The following ARMH3 variants were observed in gnomAD, a reference collection of about 807,000 sequenced individuals.
ARMH3 encodes armadillo like helical domain containing 3.
ARMH3 carries 60 observed loss-of-function variants against 99.1 expected under a neutral mutation model. The observed-to-expected ratio is 0.61, with a 90% CI of 0.49 to 0.75. The LOEUF is 0.75. ARMH3 is among the 30% of genes least tolerant of loss of function. The pLI, the probability that ARMH3 is intolerant of heterozygous loss-of-function variation, is 0.00. For missense variants in ARMH3, 679 were observed against 843.1 expected (o/e 0.81, Z 2.41); for synonymous variants, 285 against 292.8 (o/e 0.97, Z 0.27).
chr10:101,937,222 A>T (rs1844021570), intron 23 of ARMH3, among the ~76,000 whole-genome samples: 1 of 152,166 alleles, frequency 6.6e-6, no homozygotes, highest in Admixed American at 6.5e-5. Context: ...TTGGACTTAG[A>T]AGACCTATGA....
At chr10:101,906,975 C>T (rs1356465997) in intron 23 of ARMH3, among the ~76,000 whole-genome samples, 1 of 152,180 alleles carries the variant, frequency 6.6e-6, no homozygotes, top group African/African-American at 2.4e-5. Context: ...GTACCCTCCC[C>T]TTGAACTAAT....
intron 23 of ARMH3, among the ~76,000 whole-genome samples, chr10:101,924,582 C>G (rs2135623046): frequency 6.6e-6 from 1 of 151,828 alleles, no homozygotes; most frequent in Middle Eastern, 3.4e-3. Context: ...GTCTCAATCT[C>G]CTGACCTCGT....
chr10:101,909,072 G>T (rs140537715), intron 23 of ARMH3, among the ~76,000 whole-genome samples: 1 of 151,990 alleles, frequency 6.6e-6, no homozygotes, highest in Admixed American at 6.6e-5. Context: ...GAATTGAGTG[G>T]AAATGCAGAA....
Position 101,991,955 on chromosome 10 carries a change from T to G in ARMH3, c.1345+14A>C, listed in dbSNP as rs761602371. 1 of 1,607,666 alleles carries G rather than the reference T, an allele frequency of 6.2e-7. No homozygotes were observed. The highest frequency in any genetic ancestry group is 1.1e-5 in the South Asian group (1 of 90,894). ...TGTCACAGAACAATGTCAATGTTGA[T>G]GATACTCACTCACCCAGTACTGCAC... On this transcript the variant is annotated intron_variant, in intron 18 of 25. Coordinates refer to ENST00000370033, the MANE Select transcript of ARMH3 (RefSeq NM_024541.3).
chr10:101,967,108 T>C (rs1845574598), intron 20 of ARMH3, among the ~76,000 whole-genome samples: 1 of 152,222 alleles, frequency 6.6e-6, no homozygotes, highest in Non-Finnish European at 1.5e-5. Flanking sequence ...TTTTGTGACC[T>C]GGCATGGAGC....
chr10:101,944,516 A>G (rs566577779), intron 22 of ARMH3, among the ~76,000 whole-genome samples: 33 of 152,034 alleles, frequency 2.2e-4, no homozygotes, highest in Admixed American at 1.9e-3. Context: ...AAGAGAAAAT[A>G]TTAAAAGCAT....
chr10:101,890,208 G>A (rs1373368015), intron 23 of ARMH3, among the ~76,000 whole-genome samples: 30 of 150,950 alleles, frequency 2.0e-4, no homozygotes, highest in Admixed American at 2.0e-3. Context: ...TTCATAGAGA[G>A]AGACAAATCT....
Position 101,990,589 on chromosome 10 carries a change from T to C in ARMH3, c.1368A>G (p.Val456=). 6.2e-7 allele frequency: 1 copy of C among 1,605,020 alleles called. No homozygotes were observed. Among genetic ancestry groups the C allele is most frequent in the Non-Finnish European group, 8.5e-7 (1 of 1,171,870 alleles). Residue 456 remains valine, a synonymous_variant, in exon 19 of 26, where the codon GTA becomes GTG. Transcript: ENST00000370033. The part of the protein sequence containing the change: ...AVLDLMVEFI[V]THMMKEFPMD... ...TAGGAAACTCCTTCATCATGTGTGT[T>C]ACAATAAACTCTACCATCAGGTCTG...
At chr10:102,023,818 C>T (rs1032389947) in intron 6 of ARMH3, 69 bp from the exon 7 acceptor site, 4 of 1,400,308 alleles carry the variant, frequency 2.9e-6, no homozygotes, top group Non-Finnish European at 4.0e-6. Context: ...ATCTCCTCCC[C>T]TAACATCTAA....
At chr10:101,926,740 A>T (rs1346535814) in intron 23 of ARMH3, among the ~76,000 whole-genome samples, 2 of 152,222 alleles carry the variant, frequency 1.3e-5, no homozygotes, top group Non-Finnish European at 2.9e-5. Context: ...TCCTAGGAAG[A>T]GTTCCTTTGG....
chr10:102,051,449 G>A (rs917030068), intron 1 of ARMH3, among the ~76,000 whole-genome samples: 11 of 151,372 alleles, frequency 7.3e-5, no homozygotes, highest in East Asian at 1.9e-4. Flanking sequence ...CTACAGCCTG[G>A]GCAACAGAGG....
intron 1 of ARMH3, among the ~76,000 whole-genome samples, chr10:102,041,521 C>A (rs545525279): frequency 6.6e-6 from 1 of 152,200 alleles, no homozygotes; most frequent in South Asian, 2.1e-4. Context: ...AGAGATGTAT[C>A]CAATAGTACA....
intron 24 of ARMH3, among the ~76,000 whole-genome samples, chr10:101,861,917 G>A (rs2066882066): frequency 6.7e-6 from 1 of 149,394 alleles, no homozygotes; most frequent in African/African-American, 2.5e-5. Context: ...AGGCGTGGTG[G>A]TGGGCGCCTG....
At chr10:101,976,583 T>C (rs536508722) in intron 19 of ARMH3, among the ~76,000 whole-genome samples, 1 of 152,124 alleles carries the variant, frequency 6.6e-6, no homozygotes, top group Non-Finnish European at 1.5e-5. Flanking sequence ...ACAATTAAAC[T>C]ATTCTACTCA....
At chr10:101,961,062 C>T (rs978037304) in intron 20 of ARMH3, among the ~76,000 whole-genome samples, 2 of 152,288 alleles carry the variant, frequency 1.3e-5, no homozygotes, top group African/African-American at 4.8e-5. Flanking sequence ...GGCTGCTCTA[C>T]GTCATTTTCA....
chr10:101,984,650 C>A (rs902521772), intron 19 of ARMH3, among the ~76,000 whole-genome samples: 28 of 152,048 alleles, frequency 1.8e-4, no homozygotes, highest in Non-Finnish European at 3.8e-4. Context: ...CAGCACTGCT[C>A]CTAGATTCTG....
chr10:102,007,784 G>A, intron 13 of ARMH3, among the ~76,000 whole-genome samples: 1 of 137,258 alleles, frequency 7.3e-6, no homozygotes, highest in African/African-American at 2.7e-5. Context: ...AGTGAGCAGA[G>A]ATCGTGCCAC....
At chr10:101,892,333 C>T (rs778931032) in intron 23 of ARMH3, among the ~76,000 whole-genome samples, 18 of 152,096 alleles carry the variant, frequency 1.2e-4, no homozygotes, top group Non-Finnish European at 2.2e-4. Context: ...GTGGCATTTG[C>T]CTGTAGTCTC....
chr10:102,038,438 A>G (rs2067331521), intron 2 of ARMH3, among the ~76,000 whole-genome samples: 2 of 152,110 alleles, frequency 1.3e-5, no homozygotes, highest in African/African-American at 4.8e-5. Flanking sequence ...TTTTCTCTGT[A>G]TAGCTGCTTG....
Sources: allele counts gnomAD v4.1 joint callset (sites outside exome capture counted in the v4.1 genomes callset), GRCh38; gene constraint gnomAD v4.1.1; transcripts MANE v1.5; gene names NCBI Gene and HGNC (gene_info 2026-07-23, HGNC 2026-07-21).